NOD1: variants seen among roughly 807,000 people sequenced by gnomAD.
The protein encoded by NOD1 is nucleotide-binding oligomerization domain-containing protein 1.
Under a neutral mutation model 81.2 loss-of-function variants are expected in NOD1, and 70 were observed. The observed-to-expected ratio is 0.86, with a 90% confidence interval of 0.71 to 1.05. NOD1 has a LOEUF of 1.05. Among genes scored for constraint, NOD1 ranks in the 50% least tolerant of loss-of-function variants. The probability of loss-of-function intolerance (pLI) is 0.00; values close to 1 mark genes in which losing one functional copy is unlikely to be tolerated. For synonymous variants in NOD1, 508 were observed against 526.9 expected (o/e 0.96, Z 0.49); for missense variants, 1,233 against 1,228.0 (o/e 1.00, Z -0.06).
At chr7:30,476,911 C>T (rs1395631207) in intron 1 of NOD1, among the ~76,000 whole-genome samples, 1 of 152,186 alleles carries the variant, frequency 6.6e-6, no homozygotes, top group African/African-American at 2.4e-5. Flanking sequence ...ACTAAGTAAA[C>T]AATTAACGGG....
At chr7:30,473,287 A>C (rs1788459762) in intron 1 of NOD1, among the ~76,000 whole-genome samples, 1 of 152,194 alleles carries the variant, frequency 6.6e-6, no homozygotes. Flanking sequence ...AGGATGAGTA[A>C]GGAATGTCAG....
intron 9 of NOD1, among the ~76,000 whole-genome samples, chr7:30,438,430 T>C (rs1784574639): frequency 6.6e-6 from 1 of 152,232 alleles, no homozygotes; most frequent in Admixed American, 6.5e-5. Flanking sequence ...CATGGAGTTG[T>C]GAGGATTCAC....
intron 9 of NOD1, among the ~76,000 whole-genome samples, chr7:30,439,366 C>CA (rs1784680097): frequency 7.5e-6 from 1 of 133,418 alleles, no homozygotes; most frequent in African/African-American, 3.3e-5. Flanking sequence ...CACTAGGGAG[C>CA]GCCAGACAGT....
At chr7:30,436,922 C>T (rs1470774216) in intron 10 of NOD1, among the ~76,000 whole-genome samples, 2 of 152,186 alleles carry the variant, frequency 1.3e-5, no homozygotes, top group African/African-American at 4.8e-5. Flanking sequence ...GACACAAGCA[C>T]ATGTATGTTT....
At chr7:30,466,299 G>A (rs1787682491) in intron 1 of NOD1, among the ~76,000 whole-genome samples, 1 of 152,120 alleles carries the variant, frequency 6.6e-6, no homozygotes, top group Non-Finnish European at 1.5e-5. Flanking sequence ...AACATGAGCA[G>A]AAACAGAATG....
At chr7:30,427,322 A>C (rs564537558) in intron 13 of NOD1, among the ~76,000 whole-genome samples, 1 of 152,284 alleles carries the variant, frequency 6.6e-6, no homozygotes, top group East Asian at 1.9e-4. Context: ...CAGACTTCCA[A>C]GTTATTTTCA....
intron 3 of NOD1, among the ~76,000 whole-genome samples, chr7:30,458,432 T>C (rs1218514850): frequency 6.6e-6 from 1 of 152,176 alleles, no homozygotes; most frequent in African/African-American, 2.4e-5. Context: ...ACTATCCACA[T>C]CATTAATATG....
At chr7:30,427,121 A>G (rs527778906) in intron 13 of NOD1, among the ~76,000 whole-genome samples, 1 of 152,278 alleles carries the variant, frequency 6.6e-6, no homozygotes, top group East Asian at 1.9e-4. Flanking sequence ...TTCGTTATTC[A>G]AGGAATAAAT....
rs942295951 is a variant in NOD1, at chr7:30,425,397, T to C, written c.*241A>G. The C allele has an allele frequency of 5.4e-6, 3 of 558,288 alleles. No homozygotes were observed. The highest frequency in any genetic ancestry group is 6.4e-6 in the Non-Finnish European group (2 of 312,250). The allele number at this position is 558,288 out of a possible 1,614,324, so 34.6% of individuals were successfully genotyped here. ...GGCAATAAAGTCTCTTCACAGTGTA[T>C]TTACTGTAACTACAACAGCTCGCAA... is the stretch of plus-strand genomic sequence containing the variant. On this transcript the variant is annotated 3_prime_UTR_variant, in exon 14 of 14. Transcript: ENST00000222823.
At chr7:30,428,786 A>C (rs1482512153) in intron 13 of NOD1, among the ~76,000 whole-genome samples, 5 of 152,194 alleles carry the variant, frequency 3.3e-5, no homozygotes, top group Non-Finnish European at 7.3e-5. Context: ...TAAGTTGTTA[A>C]GGGAGCTGCT....
In NOD1 at chr7:30,451,107, G is replaced by T; in HGVS notation, c.2201+109C>A. 7.9e-7 allele frequency: 1 copy of T among 1,271,596 alleles called. No homozygotes were observed. The highest frequency in any genetic ancestry group is 1.1e-6 in the Non-Finnish European group (1 of 934,500). The allele number at this position is 1,271,596 out of a possible 1,614,324, so 78.8% of individuals were successfully genotyped here. A position where few individuals can be genotyped will look rare whatever the true frequency, so the allele number is the denominator to read the frequency against. On this transcript the variant is annotated intron_variant, in intron 6 of 13. Coordinates refer to ENST00000222823, the MANE Select transcript of NOD1 (RefSeq NM_006092.4). The surrounding 1 kb of genome is among the most constrained non-coding windows in gnomAD (Gnocchi z 4.2). ...AAAGAAAAGGTCTGGACATTCCAAG[G>T]GCCATGGTCATGAGTCCTGGGGGAT...
intron 13 of NOD1, among the ~76,000 whole-genome samples, chr7:30,429,005 G>C (rs1783709088): frequency 6.6e-6 from 1 of 152,190 alleles, no homozygotes; most frequent in Admixed American, 6.5e-5. Context: ...CCAAACTCCT[G>C]GCCAACACAG....
At chr7:30,435,322 G>A (rs1402005342) in intron 11 of NOD1, among the ~76,000 whole-genome samples, 1 of 152,098 alleles carries the variant, frequency 6.6e-6, no homozygotes, top group Non-Finnish European at 1.5e-5. Flanking sequence ...CCTGGGGGAA[G>A]GCAGATGAAG....
At chr7:30,429,955 G>A (rs189629860) in intron 12 of NOD1, among the ~76,000 whole-genome samples, 1 of 152,302 alleles carries the variant, frequency 6.6e-6, no homozygotes, top group Non-Finnish European at 1.5e-5. Context: ...GGGAGGTGGA[G>A]GTTGCAGTGA....
chr7:30,463,128 C>G (rs1303104704), intron 1 of NOD1, among the ~76,000 whole-genome samples: 1 of 151,930 alleles, frequency 6.6e-6, no homozygotes, highest in Admixed American at 6.6e-5. Flanking sequence ...TGCTTGCTCT[C>G]TCCCTTGTAT....
chr7:30,464,718 T>C (rs1787508762), intron 1 of NOD1, among the ~76,000 whole-genome samples: 1 of 152,330 alleles, frequency 6.6e-6, no homozygotes. Flanking sequence ...TCATGGGACT[T>C]TATTATAAGA....
At chr7:30,457,161 A>T (rs1786467311) in intron 3 of NOD1, 119 bp from the exon 4 acceptor site, 2 of 514,838 alleles carry the variant, frequency 3.9e-6, no homozygotes, top group Non-Finnish European at 7.1e-6. Flanking sequence ...TAAGACCTTT[A>T]TCTGGCCAGG....
At chr7:30,429,306 T>C in intron 13 of NOD1, 68 bp downstream of exon 13, 2 of 1,342,252 alleles carry the variant, frequency 1.5e-6, no homozygotes, top group Non-Finnish European at 2.1e-6. Flanking sequence ...GCGTTGTGCC[T>C]TGCACAGTCA....
At chr7:30,469,435 G>A (rs536039826) in intron 1 of NOD1, among the ~76,000 whole-genome samples, 1 of 151,990 alleles carries the variant, frequency 6.6e-6, no homozygotes, top group South Asian at 2.1e-4. Context: ...AGCTCCCTCT[G>A]TCTCTCATAC....
Sources: gnomAD v4.1 joint callset for allele counts (sites outside exome capture counted in the v4.1 genomes callset) on GRCh38, gnomAD v4.1.1 for gene constraint, Gnocchi (gnomAD v3.1) non-coding constraint, MANE v1.5 for transcripts, NCBI Gene and HGNC (gene_info 2026-07-23, HGNC 2026-07-21) for gene names.